VAPA: variants seen among roughly 807,000 people sequenced by gnomAD.
VAPA encodes vesicle-associated membrane protein-associated protein A.
VAPA carries 6 observed loss-of-function variants against 25.6 expected under a neutral mutation model. The observed-to-expected ratio is 0.23, with a 90% CI of 0.13 to 0.46. The LOEUF (loss-of-function observed/expected upper bound fraction) is 0.46. Ranked by LOEUF, VAPA falls within the 20% of genes least tolerant of loss-of-function variation. The probability of loss-of-function intolerance (pLI) is 0.99; values close to 1 mark genes in which losing one functional copy is unlikely to be tolerated. For missense variants in VAPA, 244 were observed against 302.1 expected, an observed-to-expected ratio of 0.81 and a Z score of 1.43; for synonymous variants, 112 against 106.2, an observed-to-expected ratio of 1.05 and a Z score of -0.34.
intron 2 of VAPA, among the ~76,000 whole-genome samples, chr18:9,933,068 G>T (rs1335728477): frequency 6.7e-6 from 1 of 150,330 alleles, no homozygotes; most frequent in Admixed American, 6.6e-5. Context: ...GACTGCACGA[G>T]TAAGACTCCG....
intron 1 of VAPA, chr18:9,924,945 C>G (rs1315367384): frequency 6.6e-6 from 1 of 151,776 alleles, no homozygotes; most frequent in East Asian, 1.9e-4. Context: ...TCTCCCTTGC[C>G]CCAGAAGGCT....
chr18:9,944,353 T>G (rs1277747314), intron 4 of VAPA, among the ~76,000 whole-genome samples: 1 of 152,176 alleles, frequency 6.6e-6, no homozygotes, highest in Non-Finnish European at 1.5e-5. Context: ...CCCACCTGTT[T>G]GTATAATACA....
rs1455274684 is a variant in VAPA, at chr18:9,937,046, C to T, written c.397C>T (p.Pro133Ser). The change falls in exon 4 of 6, where the codon CCC becomes TCC. Residue 133 changes from proline to serine, a missense_variant. Pro to Ser is a moderately conservative substitution (Grantham distance 74). Around this residue, in one of 2 missense-constraint regions of VAPA, gnomAD observed 145 missense variants for 140.6 expected, o/e 1.03. Transcript: ENST00000400000. ...DSKLRCVFEM[P>S]NENDKLNDME... is the part of the protein sequence containing the mutation. Reference sequence around the variant, plus strand: ...CAAATTGAGATGCGTATTTGAAATGCCCAATGAAAATGATAAATTGGTAAG... The same window carrying T: ...CAAATTGAGATGCGTATTTGAAATGTCCAATGAAAATGATAAATTGGTAAG... 1.2e-6 allele frequency: 2 copies of T among 1,613,402 alleles called. No individual in the cohort carries two copies. Among genetic ancestry groups the T allele is most frequent in the Admixed American group, 1.7e-5 (1 of 59,972 alleles).
chr18:9,942,424 T>C (rs29144), intron 4 of VAPA, among the ~76,000 whole-genome samples: 10,109 of 152,142 alleles, frequency 0.066, 368 homozygotes, highest in Admixed American at 0.089. Flanking sequence ...TCTTGAACTT[T>C]ATGATTTTTT....
In VAPA at chr18:9,958,304, TTTGA is replaced by T. The variant is rs2069571285; in HGVS notation, c.*4097_*4100del. The T allele has an allele frequency of 6.6e-6, 1 of 152,244 alleles. No individual in the cohort carries two copies. Among genetic ancestry groups the T allele is most frequent in the African/African-American group, 2.4e-5 (1 of 41,460 alleles). The allele number at this position is 152,244 out of a possible 1,614,324, so 9.4% of individuals were successfully genotyped here. A position where few individuals can be genotyped will look rare whatever the true frequency, so the allele number is the denominator to read the frequency against. Reference sequence around the variant, plus strand: ...GTTATGGACATTTTATAATGTAACATTTGATTGGCCTGGCCTCTTGACAATTCCC... The same window carrying T: ...GTTATGGACATTTTATAATGTAACATTTGGCCTGGCCTCTTGACAATTCCC... On this transcript the variant is annotated 3_prime_UTR_variant, in exon 6 of 6. Coordinates refer to ENST00000400000, the MANE Select transcript of VAPA (RefSeq NM_194434.3).
intron 4 of VAPA, among the ~76,000 whole-genome samples, chr18:9,942,427 GA>G (rs1328874878): frequency 6.6e-6 from 1 of 151,424 alleles, no homozygotes; most frequent in Non-Finnish European, 1.5e-5. Flanking sequence ...TGAACTTTAT[GA>G]TTTTTTTTTA....
chr18:9,947,806 C>G (rs748691527), intron 4 of VAPA: 1 of 152,150 alleles, frequency 6.6e-6, no homozygotes, highest in East Asian at 1.9e-4. Flanking sequence ...AAAGTTACAC[C>G]TGCTTAATTT....
intron 1 of VAPA, among the ~76,000 whole-genome samples, chr18:9,920,334 G>A (rs1046352490): frequency 4.6e-5 from 7 of 151,854 alleles, no homozygotes; most frequent in African/African-American, 1.5e-4. Flanking sequence ...ATGGAGTCTC[G>A]CTTTGTCACC....
At chr18:9,933,264 A>G (rs912624204) in intron 2 of VAPA, among the ~76,000 whole-genome samples, 4 of 152,106 alleles carry the variant, frequency 2.6e-5, no homozygotes, top group African/African-American at 9.7e-5. Flanking sequence ...GAGCCTGACT[A>G]CAAAGGCCAT....
At chr18:9,948,525 T>G (rs1465558128) in intron 4 of VAPA, 1 of 152,136 alleles carries the variant, frequency 6.6e-6, no homozygotes. Context: ...TCGAGCTTGA[T>G]GATTCTTTTA....
intron 5 of VAPA, 38 bp from the exon 6 acceptor site, chr18:9,954,015 G>GT: frequency 6.2e-7 from 1 of 1,609,892 alleles, no homozygotes; most frequent in Non-Finnish European, 8.5e-7. Context: ...TAGTATGCTT[G>GT]TTTTTAAAAA....
At chr18:9,941,320 T>G (rs1000923366) in intron 4 of VAPA, among the ~76,000 whole-genome samples, 1 of 152,172 alleles carries the variant, frequency 6.6e-6, no homozygotes, top group Non-Finnish European at 1.5e-5. Flanking sequence ...CCATCTGGGT[T>G]GTTAGTTGAT....
rs1475687331 is a variant in VAPA, at chr18:9,948,130, A to G, written c.418-2265A>G. On this transcript the variant is annotated intron_variant, in intron 4 of 5. Transcript: ENST00000400000. ...TTCTCCTTTTTGTTACAAAAGCAGT[A>G]TAACATTTTTAAGAGAAATTCAACA... 3.3e-5 allele frequency: 5 copies of G among 152,214 alleles called. No homozygotes were observed. In the East Asian group the frequency reaches 9.6e-4, roughly 29 times the overall value. The allele number at this position is 152,214 out of a possible 1,614,324, so 9.4% of individuals were successfully genotyped here. A position where few individuals can be genotyped will look rare whatever the true frequency, so the allele number is the denominator to read the frequency against.
At chr18:9,934,054 C>T (rs2069283621) in intron 2 of VAPA, among the ~76,000 whole-genome samples, 1 of 152,206 alleles carries the variant, frequency 6.6e-6, no homozygotes, top group African/African-American at 2.4e-5. Context: ...AAACTGGTTA[C>T]TGATTACGCA....
intron 4 of VAPA, among the ~76,000 whole-genome samples, chr18:9,939,436 T>C: frequency 6.6e-6 from 1 of 152,084 alleles, no homozygotes; most frequent in East Asian, 1.9e-4. Context: ...ATTACAGGTG[T>C]GAGCCACCCT....
chr18:9,940,887 AT>A (rs2069360482), intron 4 of VAPA, among the ~76,000 whole-genome samples: 2 of 152,240 alleles, frequency 1.3e-5, no homozygotes, highest in South Asian at 4.1e-4. Context: ...AATTGTGTCT[AT>A]ACTATTTAGG....
chr18:9,942,568 T>G (rs1311379695), intron 4 of VAPA, among the ~76,000 whole-genome samples: 1 of 152,098 alleles, frequency 6.6e-6, no homozygotes, highest in Admixed American at 6.6e-5. Context: ...TACCTGAGAC[T>G]GGGTAATTTA....
At chr18:9,918,045 G>A (rs955857114) in intron 1 of VAPA, among the ~76,000 whole-genome samples, 55 of 151,404 alleles carry the variant, frequency 3.6e-4, no homozygotes, top group Non-Finnish European at 7.4e-4. Flanking sequence ...TCCATGATGT[G>A]CCTTCCTCTT....
intron 1 of VAPA, among the ~76,000 whole-genome samples, chr18:9,925,687 T>G (rs1258118045): frequency 3.3e-5 from 5 of 152,140 alleles, no homozygotes; most frequent in African/African-American, 1.2e-4. Context: ...TGACATCATT[T>G]AAAAAATTTG....
Sources: allele counts gnomAD v4.1 joint callset (sites outside exome capture counted in the v4.1 genomes callset), GRCh38; gene constraint gnomAD v4.1.1; regional missense constraint gnomAD v4.1.1; transcripts MANE v1.5; gene names NCBI Gene and HGNC (gene_info 2026-07-23, HGNC 2026-07-21).